WDR7: variants seen among roughly 807,000 people sequenced by gnomAD.
WDR7 encodes the protein WD repeat domain 7, also known as WD repeat-containing protein 7.
A neutral mutation model predicts 169.4 loss-of-function variants in WDR7; 46 were observed. That is an observed-to-expected ratio of 0.27 (90% CI 0.21 to 0.35). The LOEUF (loss-of-function observed/expected upper bound fraction) is 0.35. WDR7 is among the 10% of genes least tolerant of loss of function. The pLI, the probability that WDR7 is intolerant of heterozygous loss-of-function variation, is 1.00. For synonymous variants in WDR7, 612 were observed against 666.8 expected (o/e 0.92, Z 1.27); for missense variants, 1,534 against 1,859.3 (o/e 0.83, Z 3.22).
chr18:56,699,134 G>A (rs1051611397), intron 12 of WDR7, among the ~76,000 whole-genome samples: 3 of 152,142 alleles, frequency 2.0e-5, no homozygotes, highest in African/African-American at 7.2e-5. Flanking sequence ...TTTAGCTGTG[G>A]GGTAATTTAG....
chr18:56,806,903 T>A (rs2044782303), intron 19 of WDR7, among the ~76,000 whole-genome samples: 1 of 152,146 alleles, frequency 6.6e-6, no homozygotes, highest in Non-Finnish European at 1.5e-5. Context: ...TTTAATGGCT[T>A]GCTTTACTTA....
chr18:56,970,134 A>G (rs2145797396), intron 26 of WDR7, among the ~76,000 whole-genome samples: 1 of 152,304 alleles, frequency 6.6e-6, no homozygotes, highest in South Asian at 2.1e-4. Context: ...TTTAAATAAG[A>G]TTAAATCAGC....
chr18:56,653,205 C>T (rs2024692450), intron 1 of WDR7, among the ~76,000 whole-genome samples: 1 of 151,468 alleles, frequency 6.6e-6, no homozygotes, highest in South Asian at 2.1e-4. Context: ...CTGCATTTTT[C>T]GTTCTTCTTT....
At chr18:56,852,573 A>G (rs940999965) in intron 20 of WDR7, among the ~76,000 whole-genome samples, 3 of 151,450 alleles carry the variant, frequency 2.0e-5, no homozygotes, top group African/African-American at 7.3e-5. Context: ...ATGTTTTAAT[A>G]TTCACTCAAA....
intron 12 of WDR7, among the ~76,000 whole-genome samples, chr18:56,698,470 G>T (rs498312): frequency 0.15 from 23,287 of 151,250 alleles, 2,096 homozygotes; most frequent in African/African-American, 0.24. Context: ...GCTGGGCATG[G>T]TGGCAGGCGC....
chr18:56,792,795 C>G (rs1455848423), intron 19 of WDR7, among the ~76,000 whole-genome samples: 1 of 151,024 alleles, frequency 6.6e-6, no homozygotes, highest in African/African-American at 2.5e-5. Context: ...CACACACAGA[C>G]ACACATGCAC....
At chr18:56,778,835 AT>A (rs2044276862) in intron 17 of WDR7, among the ~76,000 whole-genome samples, 1 of 152,122 alleles carries the variant, frequency 6.6e-6, no homozygotes, top group Non-Finnish European at 1.5e-5. Flanking sequence ...GTCTGAATTC[AT>A]TTTTTTCTTT....
At position 56,938,808 on chromosome 18, in the gene WDR7, A is replaced by AGTGTGTGTGTGT. The variant is rs71171007; in HGVS notation, c.3981+149_3981+160dup. ...GATGAAGGGTGAGAGAGAAAGAATG[A>AGTGTGTGTGTGT]GTGTGTGTGTGTGTGTGTGTGTGTG... is the stretch of plus-strand genomic sequence containing the variant. On this transcript the variant is annotated intron_variant, in intron 24 of 27. Coordinates refer to ENST00000254442, the MANE Select transcript of WDR7 (RefSeq NM_015285.3). 6.3e-4 allele frequency: 418 copies of AGTGTGTGTGTGT among 661,790 alleles called. 1 individual carries two copies. The highest frequency in any genetic ancestry group is 4.4e-3 in the African/African-American group (227 of 52,116). The allele number at this position is 661,790 out of a possible 1,614,324, so 41.0% of individuals were successfully genotyped here.
intron 25 of WDR7, among the ~76,000 whole-genome samples, chr18:56,959,646 C>G (rs913409154): frequency 6.6e-6 from 1 of 152,166 alleles, no homozygotes; most frequent in African/African-American, 2.4e-5. Flanking sequence ...AACACTTACT[C>G]TGAAACCCCC....
At chr18:56,712,410 C>T (rs987832423) in intron 12 of WDR7, among the ~76,000 whole-genome samples, 2 of 152,136 alleles carry the variant, frequency 1.3e-5, no homozygotes, top group Non-Finnish European at 2.9e-5. Flanking sequence ...CTGGCAAATC[C>T]AATGAGCCTT....
chr18:56,794,588 C>T (rs886684036), intron 19 of WDR7, among the ~76,000 whole-genome samples: 61 of 151,910 alleles, frequency 4.0e-4, no homozygotes, highest in Non-Finnish European at 1.5e-4. Flanking sequence ...GGATTACAGG[C>T]GTGAGCCACC....
chr18:57,007,668 T>C (rs1326267377), intron 26 of WDR7, among the ~76,000 whole-genome samples: 2 of 152,198 alleles, frequency 1.3e-5, no homozygotes, highest in Non-Finnish European at 2.9e-5. Flanking sequence ...AGGTGATTTG[T>C]ACATTGGGAA....
chr18:56,796,302 C>G (rs1026287044), intron 19 of WDR7, among the ~76,000 whole-genome samples: 1 of 152,164 alleles, frequency 6.6e-6, no homozygotes, highest in Non-Finnish European at 1.5e-5. Flanking sequence ...CTTTACTACC[C>G]TACTGGCTCA....
At chr18:56,890,349 C>T (rs971158809) in intron 21 of WDR7, among the ~76,000 whole-genome samples, 1 of 152,010 alleles carries the variant, frequency 6.6e-6, no homozygotes, top group African/African-American at 2.4e-5. Context: ...ACTCCCTGTG[C>T]TTTTTAATCA....
intron 27 of WDR7, among the ~76,000 whole-genome samples, chr18:57,023,035 A>G (rs1161578695): frequency 3.3e-5 from 5 of 152,220 alleles, no homozygotes; most frequent in Admixed American, 6.5e-5. Flanking sequence ...TCTAAAACCA[A>G]TGTCGGAATT....
chr18:56,825,991 T>G (rs1207037587), intron 20 of WDR7, among the ~76,000 whole-genome samples: 3 of 119,826 alleles, frequency 2.5e-5, no homozygotes, highest in Non-Finnish European at 6.0e-5. Flanking sequence ...TTTGCTAAAT[T>G]TAGACCAAAC....
At chr18:56,989,491 A>G (rs976413581) in intron 26 of WDR7, among the ~76,000 whole-genome samples, 1 of 152,172 alleles carries the variant, frequency 6.6e-6, no homozygotes, top group Non-Finnish European at 1.5e-5. Flanking sequence ...TCTTCTTAGT[A>G]CAACTTCTAC....
chr18:56,731,725 AT>A, intron 14 of WDR7, 128 bp downstream of exon 14: 1 of 841,780 alleles, frequency 1.2e-6, no homozygotes, highest in Non-Finnish European at 1.8e-6. Context: ...TTTGATTTTC[AT>A]TTAGGTTTAT....
At chr18:56,732,911 A>T (rs1230767101) in intron 14 of WDR7, among the ~76,000 whole-genome samples, 1 of 152,208 alleles carries the variant, frequency 6.6e-6, no homozygotes, top group African/African-American at 2.4e-5. Flanking sequence ...TGTAACTCCC[A>T]GATATATTCT....
Sources: allele counts gnomAD v4.1 joint callset (sites outside exome capture counted in the v4.1 genomes callset), GRCh38; gene constraint gnomAD v4.1.1; transcripts MANE v1.5; gene names NCBI Gene and HGNC (gene_info 2026-07-23, HGNC 2026-07-21).